The following PAPSS1 variants were observed in gnomAD, a reference collection of about 807,000 sequenced individuals.
The protein encoded by PAPSS1 is bifunctional 3'-phosphoadenosine 5'-phosphosulfate synthase 1.
PAPSS1 carries 50 observed loss-of-function variants against 72.0 expected under a neutral mutation model. That is an observed-to-expected ratio of 0.69 (90% CI 0.55 to 0.88). The LOEUF is 0.88. Among genes scored for constraint, PAPSS1 ranks in the 40% least tolerant of loss-of-function variants. The pLI is 0.00. For synonymous variants in PAPSS1, 261 were observed against 263.6 expected (o/e 0.99, Z 0.09); for missense variants, 657 against 782.2 (o/e 0.84, Z 1.91).
At chr4:107,655,358 C>A (rs994543815) in intron 7 of PAPSS1, among the ~76,000 whole-genome samples, 2 of 152,036 alleles carry the variant, frequency 1.3e-5, no homozygotes, top group African/African-American at 4.8e-5. Context: ...ATTTATGTGG[C>A]AAGTTGATTA....
At chr4:107,663,763 G>A (rs1303785934) in intron 5 of PAPSS1, among the ~76,000 whole-genome samples, 2 of 152,170 alleles carry the variant, frequency 1.3e-5, no homozygotes, top group East Asian at 3.8e-4. Flanking sequence ...GCACAATCCT[G>A]AGGCAGGCAC....
intron 5 of PAPSS1, among the ~76,000 whole-genome samples, chr4:107,671,665 AC>A (rs1727471550): frequency 6.6e-6 from 1 of 152,124 alleles, no homozygotes; most frequent in Non-Finnish European, 1.5e-5. Context: ...TGGTTCCAGG[AC>A]TCCTTGAGGA....
intron 1 of PAPSS1, among the ~76,000 whole-genome samples, chr4:107,707,814 G>A (rs1211645130): frequency 6.6e-6 from 1 of 152,148 alleles, no homozygotes; most frequent in African/African-American, 2.4e-5. Context: ...ACAAGCACTG[G>A]GAAGTCCCAT....
At chr4:107,657,038 C>A (rs764525117) in intron 6 of PAPSS1, 31 bp from the exon 7 acceptor site, 1 of 1,401,396 alleles carries the variant, frequency 7.1e-7, no homozygotes, top group Admixed American at 1.7e-5. Context: ...GCAAAATTTT[C>A]TATTGCATGT....
intron 1 of PAPSS1, among the ~76,000 whole-genome samples, chr4:107,714,652 G>C (rs534048169): frequency 6.6e-6 from 1 of 152,068 alleles, no homozygotes; most frequent in Non-Finnish European, 1.5e-5. Context: ...TAGAAATTTA[G>C]GTTTTTTTAA....
At chr4:107,718,298 A>T (rs1723688045) in intron 1 of PAPSS1, 1 of 152,174 alleles carries the variant, frequency 6.6e-6, no homozygotes, top group Non-Finnish European at 1.5e-5. Context: ...CTGCAGCCAA[A>T]CACAAGAGCA....
chr4:107,680,604 T>C (rs1444755929), intron 5 of PAPSS1, among the ~76,000 whole-genome samples: 2 of 152,192 alleles, frequency 1.3e-5, no homozygotes, highest in Non-Finnish European at 2.9e-5. Flanking sequence ...ACTTATAATG[T>C]AAATCCCTCA....
chr4:107,635,082 G>C (rs750532208), intron 10 of PAPSS1, among the ~76,000 whole-genome samples: 6 of 152,114 alleles, frequency 3.9e-5, no homozygotes, highest in Non-Finnish European at 8.8e-5. Flanking sequence ...ACAGGCGTGA[G>C]CCACCGCGCT....
chr4:107,693,692 T>C (rs1722998708), intron 3 of PAPSS1, 79 bp downstream of exon 3: 8 of 953,474 alleles, frequency 8.4e-6, no homozygotes, highest in Non-Finnish European at 1.3e-5. Flanking sequence ...CACATATCAA[T>C]GTTTAAAGTA....
intron 5 of PAPSS1, among the ~76,000 whole-genome samples, chr4:107,665,492 TA>T (rs1326008144): frequency 6.6e-6 from 1 of 152,098 alleles, no homozygotes; most frequent in Non-Finnish European, 1.5e-5. Context: ...AAATGTCCTT[TA>T]AAACACAAAG....
At chr4:107,685,674 T>G (rs1361206835) in intron 4 of PAPSS1, among the ~76,000 whole-genome samples, 1 of 152,220 alleles carries the variant, frequency 6.6e-6, no homozygotes, top group Non-Finnish European at 1.5e-5. Flanking sequence ...TTCTCCATAG[T>G]GGCATTACCG....
chr4:107,634,266 T>A (rs1482108934), intron 10 of PAPSS1, among the ~76,000 whole-genome samples: 1 of 152,144 alleles, frequency 6.6e-6, no homozygotes, highest in Non-Finnish European at 1.5e-5. Context: ...CCCTCCCACC[T>A]CAGCCTCCCA....
chr4:107,643,285 C>G (rs1342868869), intron 10 of PAPSS1, among the ~76,000 whole-genome samples: 1 of 152,208 alleles, frequency 6.6e-6, no homozygotes, highest in Non-Finnish European at 1.5e-5. Flanking sequence ...GCTGTCGCCC[C>G]GCTCAGAAAC....
chr4:107,636,767 A>G (rs987353618), intron 10 of PAPSS1, among the ~76,000 whole-genome samples: 2 of 152,182 alleles, frequency 1.3e-5, no homozygotes, highest in Non-Finnish European at 2.9e-5. Context: ...TCACCATTAG[A>G]CAGGGTTTCA....
intron 11 of PAPSS1, among the ~76,000 whole-genome samples, chr4:107,620,756 C>A (rs1004286848): frequency 3.3e-5 from 5 of 152,160 alleles, no homozygotes; most frequent in African/African-American, 1.2e-4. Flanking sequence ...GATTGAGAAA[C>A]CCTGCTAATG....
At position 107,645,073 on chromosome 4, in the gene PAPSS1, G is replaced by T; in HGVS notation, c.1238-3C>A. The T allele has an allele frequency of 6.7e-7, 1 of 1,495,536 alleles. No homozygotes were observed. Among genetic ancestry groups the T allele is most frequent in the Middle Eastern group, 1.8e-4 (1 of 5,530 alleles). 92.6% of individuals were successfully genotyped at this position (1,495,536 alleles called of 1,614,324 possible). ...TAGTTGAAATGCAAAGACAGCATCT[G>T]AAAAGAGAATTTCCAGAGTTAAGAA... On this transcript the variant is annotated splice_polypyrimidine_tract_variant and splice_region_variant and intron_variant, in intron 9 of 11. Coordinates refer to ENST00000265174, the MANE Select transcript of PAPSS1 (RefSeq NM_005443.5).
chr4:107,691,992 C>T (rs1291982690), intron 3 of PAPSS1, among the ~76,000 whole-genome samples: 1 of 151,970 alleles, frequency 6.6e-6, no homozygotes, highest in Non-Finnish European at 1.5e-5. Flanking sequence ...TTGCCATATG[C>T]AGAAGATTGA....
chr4:107,676,004 C>T (rs1362907041), intron 5 of PAPSS1, among the ~76,000 whole-genome samples: 2 of 152,160 alleles, frequency 1.3e-5, no homozygotes, highest in East Asian at 1.9e-4. Context: ...CTAAAACTCT[C>T]AATAAATTAG....
At chr4:107,662,812 T>C (rs1234244975) in intron 5 of PAPSS1, among the ~76,000 whole-genome samples, 1 of 152,176 alleles carries the variant, frequency 6.6e-6, no homozygotes, top group Non-Finnish European at 1.5e-5. Flanking sequence ...TCTCCATCCA[T>C]AGGTACATTA....
Sources: allele counts gnomAD v4.1 joint callset (sites outside exome capture counted in the v4.1 genomes callset), GRCh38; gene constraint gnomAD v4.1.1; transcripts MANE v1.5; gene names NCBI Gene and HGNC (gene_info 2026-07-23, HGNC 2026-07-21).